ROBO2: variants seen among roughly 807,000 people sequenced by gnomAD.
ROBO2 encodes the protein roundabout homolog 2.
In ROBO2, 53 loss-of-function variants were observed where a neutral mutation model predicts 160.8. The observed-to-expected ratio is 0.33, with a 90% CI of 0.26 to 0.41. ROBO2 has a LOEUF of 0.41. ROBO2 is among the 10% of genes least tolerant of loss of function. The probability of loss-of-function intolerance (pLI) is 1.00; values close to 1 mark genes in which losing one functional copy is unlikely to be tolerated. For synonymous variants in ROBO2, 664 were observed against 611.7 expected, an observed-to-expected ratio of 1.09 and a Z score of -1.26; for missense variants, 1,577 against 1,722.4, an observed-to-expected ratio of 0.92 and a Z score of 1.49.
intron 9 of ROBO2, among the ~76,000 whole-genome samples, chr3:77,562,144 A>G (rs986874546): frequency 5.9e-5 from 9 of 152,102 alleles, no homozygotes; most frequent in East Asian, 1.9e-4. Context: ...ACTTTTTTCC[A>G]TGTCTTTCAA....
chr3:77,605,379 A>G lies in ROBO2; in HGVS notation c.3137-2419A>G, dbSNP rs182656827. 4.4e-3 allele frequency among the ~76,000 whole-genome samples: 664 copies of G among 152,154 alleles called. 2 individuals are homozygous for G. The highest frequency in any genetic ancestry group is 7.9e-3 in the Non-Finnish European group (537 of 67,996). ...CAAGGTTCAGATCTCAGAGAATGTA[A>G]GTGGCTTTGGTTCTATGTATGCTCT... On this transcript the variant is annotated intron_variant, in intron 20 of 25. Transcript: ENST00000461745.
intron 1 of ROBO2, among the ~76,000 whole-genome samples, chr3:77,042,313 G>A (rs115214629): frequency 7.9e-5 from 12 of 152,120 alleles, no homozygotes; most frequent in African/African-American, 2.9e-4. Context: ...GTACATTACC[G>A]TAACAAAATA....
intron 2 of ROBO2, among the ~76,000 whole-genome samples, chr3:76,365,317 C>T (rs960320689): frequency 2.0e-5 from 3 of 152,038 alleles, no homozygotes; most frequent in Non-Finnish European, 2.9e-5. Context: ...TAGATGATCC[C>T]TGTTCATAGT....
intron 1 of ROBO2, among the ~76,000 whole-genome samples, chr3:77,061,550 C>T (rs541445114): frequency 6.6e-6 from 1 of 152,284 alleles, no homozygotes; most frequent in South Asian, 2.1e-4. Flanking sequence ...ACGGATTCAT[C>T]TTCCTTCTGT....
chr3:76,290,986 T>C (rs1708773658), intron 2 of ROBO2, among the ~76,000 whole-genome samples: 1 of 152,100 alleles, frequency 6.6e-6, no homozygotes, highest in African/African-American at 2.4e-5. Flanking sequence ...ATATTAGGGA[T>C]ATTAGCCTGA....
At chr3:77,145,023 T>A (rs1462060871) in intron 2 of ROBO2, among the ~76,000 whole-genome samples, 1 of 152,140 alleles carries the variant, frequency 6.6e-6, no homozygotes, top group East Asian at 1.9e-4. Flanking sequence ...TATTTTTTTG[T>A]CATTTTCTCT....
At chr3:77,218,691 A>G (rs2085312319) in intron 2 of ROBO2, among the ~76,000 whole-genome samples, 1 of 152,170 alleles carries the variant, frequency 6.6e-6, no homozygotes, top group Non-Finnish European at 1.5e-5. Context: ...ACTTTCCTGT[A>G]GAGGAAGTAT....
At chr3:76,531,313 G>A (rs1011867743) in intron 2 of ROBO2, among the ~76,000 whole-genome samples, 1 of 152,132 alleles carries the variant, frequency 6.6e-6, no homozygotes, top group African/African-American at 2.4e-5. Flanking sequence ...TCTAATAACA[G>A]CATACTTCAC....
intron 2 of ROBO2, among the ~76,000 whole-genome samples, chr3:76,252,408 A>C (rs1706062696): frequency 6.6e-6 from 1 of 152,118 alleles, no homozygotes. Flanking sequence ...AGATGAAAGC[A>C]TCTAGGGAGA....
At chr3:76,358,540 T>C (rs1204386890) in intron 2 of ROBO2, among the ~76,000 whole-genome samples, 2 of 152,040 alleles carry the variant, frequency 1.3e-5, no homozygotes, top group African/African-American at 4.8e-5. Flanking sequence ...CTAGTTGTAT[T>C]ACAAATAAAG....
intron 2 of ROBO2, among the ~76,000 whole-genome samples, chr3:76,517,770 T>C (rs900161009): frequency 6.6e-6 from 1 of 152,168 alleles, no homozygotes; most frequent in Non-Finnish European, 1.5e-5. Context: ...TTGGACTATA[T>C]ACTTGAAGTC....
intron 2 of ROBO2, among the ~76,000 whole-genome samples, chr3:75,972,021 A>AGT (rs1407312973): frequency 1.3e-5 from 2 of 151,680 alleles, no homozygotes; most frequent in African/African-American, 4.8e-5. Flanking sequence ...TGCTTAGAAA[A>AGT]GTGAGATTTC....
chr3:77,637,922 A>G (rs1324488468), intron 24 of ROBO2, among the ~76,000 whole-genome samples: 1 of 152,196 alleles, frequency 6.6e-6, no homozygotes. Flanking sequence ...TAAAAAATAA[A>G]TGTTTCTAAA....
At chr3:76,158,010 A>G (rs2072474426) in intron 2 of ROBO2, among the ~76,000 whole-genome samples, 2 of 152,106 alleles carry the variant, frequency 1.3e-5, no homozygotes, top group African/African-American at 2.4e-5. Context: ...AATCTCTCTA[A>G]GAAGTTCTCT....
chr3:76,344,623 T>C (rs1282743084), intron 2 of ROBO2, among the ~76,000 whole-genome samples: 1 of 152,064 alleles, frequency 6.6e-6, no homozygotes, highest in Non-Finnish European at 1.5e-5. Flanking sequence ...ATAGCAGAAA[T>C]GATGGATAAA....
At chr3:77,166,095 T>C (rs2150690507) in intron 2 of ROBO2, among the ~76,000 whole-genome samples, 1 of 152,110 alleles carries the variant, frequency 6.6e-6, no homozygotes, top group African/African-American at 2.4e-5. Flanking sequence ...CACTCTCTAC[T>C]AAGAATACAA....
rs116206568 is a variant in ROBO2, at chr3:76,952,013, A to G, written c.110-146001A>G. Among the ~76,000 whole-genome samples the G allele has an allele frequency of 9.6e-3, 1,456 of 152,312 alleles. 20 individuals carry two copies. The highest frequency in any genetic ancestry group is 0.033 in the African/African-American group (1,368 of 41,578). On this transcript the variant is annotated intron_variant, in intron 2 of 26. Transcript: ENST00000487694. Reference sequence around the variant, plus strand: ...TCTCACACACAGTCCGTGACTACATATCTTTAGTAAATTGTATCCTGTGTT... The same window carrying G: ...TCTCACACACAGTCCGTGACTACATGTCTTTAGTAAATTGTATCCTGTGTT...
intron 2 of ROBO2, among the ~76,000 whole-genome samples, chr3:76,213,993 A>G (rs1703325974): frequency 6.6e-6 from 1 of 152,182 alleles, no homozygotes; most frequent in Non-Finnish European, 1.5e-5. Context: ...GCTAATCGAA[A>G]TGTTAACGTC....
chr3:77,635,275 ATTT>A (rs10717928), intron 24 of ROBO2, among the ~76,000 whole-genome samples: 1 of 147,668 alleles, frequency 6.8e-6, no homozygotes, highest in East Asian at 2.0e-4. Flanking sequence ...TTTGAGGTTG[ATTT>A]TTTTTTTTTT....
Sources: allele counts gnomAD v4.1 joint callset (sites outside exome capture counted in the v4.1 genomes callset), GRCh38; gene constraint gnomAD v4.1.1; transcripts MANE v1.5; gene names NCBI Gene and HGNC (gene_info 2026-07-23, HGNC 2026-07-21).